The following THRB variants were observed in gnomAD, a reference collection of about 807,000 sequenced individuals.
THRB encodes nuclear receptor subfamily 1 group A member 2.
A neutral mutation model predicts 47.8 loss-of-function variants in THRB; 12 were observed. The ratio of observed to expected loss-of-function variants is 0.25; its 90% confidence interval spans 0.16 to 0.41. The LOEUF (loss-of-function observed/expected upper bound fraction) is 0.41. THRB is among the 10% of genes least tolerant of loss of function. THRB has a pLI of 1.00. For missense variants in THRB, 348 were observed against 589.2 expected, an observed-to-expected ratio of 0.59 and a Z score of 4.24; for synonymous variants, 218 against 212.2, an observed-to-expected ratio of 1.03 and a Z score of -0.24.
intron 1 of THRB, among the ~76,000 whole-genome samples, chr3:24,351,095 A>C (rs2063329154): frequency 6.6e-6 from 1 of 152,108 alleles, no homozygotes; most frequent in Admixed American, 6.6e-5. Context: ...GAATAGCAGA[A>C]ATTTTTTTCT....
At chr3:24,268,605 A>T (rs948989989) in intron 3 of THRB, among the ~76,000 whole-genome samples, 1 of 152,176 alleles carries the variant, frequency 6.6e-6, no homozygotes, top group Non-Finnish European at 1.5e-5. Context: ...AACACATTTT[A>T]AAATGGCATT....
intron 1 of THRB, among the ~76,000 whole-genome samples, chr3:24,475,538 GATAGATAGAT>G (rs1695321541): frequency 6.6e-6 from 1 of 151,744 alleles, no homozygotes; most frequent in South Asian, 2.1e-4. Flanking sequence ...CATATATATA[GATAGATAGAT>G]ATAGATAGAT....
Position 24,347,603 on chromosome 3 carries a change from A to G in THRB, c.-260-10232T>C, listed in dbSNP as rs189410801. Among the ~76,000 whole-genome samples, 175 of 151,206 alleles carry G rather than the reference A, an allele frequency of 1.2e-3. 2 individuals carry two copies. The East Asian group carries it at 0.024, about 21-fold the overall frequency. ...AATTTTTCTTTTTCTTTTTAAAGAA[A>G]AAAACCTTTAAAATTTTTAAAAAAT... On this transcript the variant is annotated intron_variant, in intron 1 of 10. Transcript: ENST00000646209.
At chr3:24,245,105 G>T (rs2049977704) in intron 3 of THRB, among the ~76,000 whole-genome samples, 1 of 152,180 alleles carries the variant, frequency 6.6e-6, no homozygotes, top group Non-Finnish European at 1.5e-5. Flanking sequence ...GAAGACTCTT[G>T]GGGACTGCTG....
At chr3:24,259,618 AC>A (rs1176294554) in intron 3 of THRB, among the ~76,000 whole-genome samples, 3 of 74,964 alleles carry the variant, frequency 4.0e-5, no homozygotes, top group African/African-American at 1.6e-4. Flanking sequence ...AGCTCTGCTT[AC>A]CTTTTTTTTT....
rs1453313123 is a variant in THRB, at chr3:24,287,887, C to T, written c.-43+9339G>A. 2.0e-5 allele frequency among the ~76,000 whole-genome samples: 3 copies of T among 152,126 alleles called. No individual in the cohort carries two copies. In the East Asian group the frequency reaches 5.8e-4, roughly 29 times the overall value. ...AAAGGAAACACCAGTAGCCAAAGGC[C>T]AAGAAGAGAAAGGAACAACATTTAC... On this transcript the variant is annotated intron_variant, in intron 3 of 10. Coordinates refer to ENST00000646209, the MANE Select transcript of THRB (RefSeq NM_001354712.2).
At chr3:24,180,961 G>T (rs1316060422) in intron 5 of THRB, among the ~76,000 whole-genome samples, 1 of 152,164 alleles carries the variant, frequency 6.6e-6, no homozygotes, top group Non-Finnish European at 1.5e-5. Context: ...CACCTTCAGG[G>T]GAATAAGTTT....
At chr3:24,225,483 C>G (rs2047564590) in intron 4 of THRB, among the ~76,000 whole-genome samples, 1 of 152,190 alleles carries the variant, frequency 6.6e-6, no homozygotes, top group African/African-American at 2.4e-5. Context: ...GGCCCAGTTT[C>G]AATGAAAACG....
intron 3 of THRB, among the ~76,000 whole-genome samples, chr3:24,279,294 G>A (rs1184556565): frequency 6.6e-6 from 1 of 152,154 alleles, no homozygotes; most frequent in Non-Finnish European, 1.5e-5. Flanking sequence ...AAAACACCTG[G>A]AAAGTTCATG....
chr3:24,212,074 G>T (rs372957510), intron 4 of THRB, among the ~76,000 whole-genome samples: 2 of 149,856 alleles, frequency 1.3e-5, no homozygotes, highest in African/African-American at 4.9e-5. Flanking sequence ...GACCAGCCTG[G>T]CCAACATGGT....
chr3:24,245,743 T>C (rs1467034537), intron 3 of THRB, among the ~76,000 whole-genome samples: 1 of 151,998 alleles, frequency 6.6e-6, no homozygotes, highest in Non-Finnish European at 1.5e-5. Context: ...TGAAACCCCA[T>C]CTCTACTAAA....
intron 1 of THRB, among the ~76,000 whole-genome samples, chr3:24,424,118 T>G (rs1577460374): frequency 6.6e-6 from 1 of 151,820 alleles, no homozygotes; most frequent in African/African-American, 2.4e-5. Context: ...CTTGAAAGGG[T>G]TTTGGTGGAC....
chr3:24,445,868 A>C (rs1218527090), intron 1 of THRB, among the ~76,000 whole-genome samples: 1 of 152,216 alleles, frequency 6.6e-6, no homozygotes, highest in East Asian at 1.9e-4. Flanking sequence ...GTACATCCAA[A>C]AGTGCAATAT....
In THRB at chr3:24,285,549, T is replaced by A. The variant is rs372495828; in HGVS notation, c.-43+11677A>T. On this transcript the variant is annotated intron_variant, in intron 3 of 10. Transcript: ENST00000646209. Reference sequence around the variant, plus strand: ...TATACATATGTAACTAACCTGCACATTGTGCACATGTACCCTAAAACTTAA... The same window carrying A: ...TATACATATGTAACTAACCTGCACAATGTGCACATGTACCCTAAAACTTAA... Among the ~76,000 whole-genome samples, 67 of 151,668 alleles carry A rather than the reference T, an allele frequency of 4.4e-4. 1 individual carries two copies. Among genetic ancestry groups the A allele is most frequent in the African/African-American group, 1.6e-3 (65 of 41,306 alleles).
chr3:24,136,415 C>T (rs2034683491), intron 8 of THRB, among the ~76,000 whole-genome samples: 1 of 152,028 alleles, frequency 6.6e-6, no homozygotes, highest in Admixed American at 6.6e-5. Context: ...TGAATTGACC[C>T]GAGTTATTAT....
chr3:24,451,229 C>CTTTTTTT (rs71057674), intron 1 of THRB, among the ~76,000 whole-genome samples: 13 of 95,346 alleles, frequency 1.4e-4, no homozygotes, highest in Non-Finnish European at 1.6e-4. Flanking sequence ...ACTACATGTA[C>CTTTTTTT]TTTTTTTTTT....
At chr3:24,426,736 T>C (rs1030965077) in intron 1 of THRB, among the ~76,000 whole-genome samples, 16 of 151,996 alleles carry the variant, frequency 1.1e-4, no homozygotes, top group African/African-American at 3.4e-4. Context: ...GTCTTAACAC[T>C]TAATATGAAT....
chr3:24,462,206 C>T (rs1231558328), intron 1 of THRB, among the ~76,000 whole-genome samples: 2 of 152,000 alleles, frequency 1.3e-5, no homozygotes, highest in African/African-American at 4.8e-5. Flanking sequence ...CCAAAAAGGG[C>T]CCCAGATGGC....
chr3:24,253,801 G>A (rs2050912637), intron 3 of THRB, among the ~76,000 whole-genome samples: 1 of 152,072 alleles, frequency 6.6e-6, no homozygotes, highest in South Asian at 2.1e-4. Flanking sequence ...TAGATGATCA[G>A]TTCAGATCTC....
Sources: allele counts gnomAD v4.1 joint callset (sites outside exome capture counted in the v4.1 genomes callset), GRCh38; gene constraint gnomAD v4.1.1; transcripts MANE v1.5; gene names NCBI Gene and HGNC (gene_info 2026-07-23, HGNC 2026-07-21).